PRELID2: variants seen among roughly 807,000 people sequenced by gnomAD.
The protein encoded by PRELID2 is PRELI domain-containing protein 2.
A neutral mutation model predicts 28.4 loss-of-function variants in PRELID2; 25 were observed. That is an observed-to-expected ratio of 0.88 (90% CI 0.64 to 1.23). The LOEUF (loss-of-function observed/expected upper bound fraction) is 1.23, where lower values mean the gene tolerates loss of function less well. PRELID2 is among the 50% of genes most tolerant of loss of function. The pLI, the probability that PRELID2 is intolerant of heterozygous loss-of-function variation, is 0.00. For missense variants in PRELID2, 201 were observed against 214.4 expected, an observed-to-expected ratio of 0.94 and a Z score of 0.39; for synonymous variants, 76 against 71.6, an observed-to-expected ratio of 1.06 and a Z score of -0.31.
At chr5:145,474,409 G>A (rs570953404) in intron 1 of PRELID2, among the ~76,000 whole-genome samples, 185 of 152,244 alleles carry the variant, frequency 1.2e-3, no homozygotes, top group Middle Eastern at 0.01. Context: ...CTTTTCCATG[G>A]AAATATTATT....
chr5:145,434,400 A>G, the PRELID2 span, among the ~76,000 whole-genome samples: 4 of 152,188 alleles, frequency 2.6e-5, no homozygotes, highest in African/African-American at 9.7e-5. Flanking sequence ...CAGGCTTCAA[A>G]AAACTGGATA....
At chr5:145,653,797 G>A (rs184844452) in intron 1 of PRELID2, among the ~76,000 whole-genome samples, 1 of 152,298 alleles carries the variant, frequency 6.6e-6, no homozygotes, top group African/African-American at 2.4e-5. Context: ...GAGAAAGCAG[G>A]AAAGATCTAA....
chr5:145,702,194 ATTT>A (rs1755425641), intron 1 of PRELID2, among the ~76,000 whole-genome samples: 1 of 152,150 alleles, frequency 6.6e-6, no homozygotes, highest in South Asian at 2.1e-4. Context: ...TAAAAAGGAT[ATTT>A]TCATAAGTAT....
intron 1 of PRELID2, among the ~76,000 whole-genome samples, chr5:145,568,766 T>C (rs1477097561): frequency 2.0e-5 from 3 of 152,200 alleles, no homozygotes; most frequent in Non-Finnish European, 2.9e-5. Context: ...TATGAATAAC[T>C]TGGGCAGCCA....
At chr5:145,734,350 GT>G (rs1756434692) in intron 1 of PRELID2, among the ~76,000 whole-genome samples, 1 of 152,152 alleles carries the variant, frequency 6.6e-6, no homozygotes, top group South Asian at 2.1e-4. Context: ...TTACATTTGT[GT>G]TGTTTTAAGC....
the PRELID2 span, among the ~76,000 whole-genome samples, chr5:145,368,622 G>A: frequency 4.6e-5 from 7 of 151,814 alleles, no homozygotes; most frequent in Admixed American, 4.6e-4. Flanking sequence ...TCATATAAAA[G>A]TTATTTTCTT....
chr5:145,421,440 C>T, the PRELID2 span, among the ~76,000 whole-genome samples: 1 of 150,108 alleles, frequency 6.7e-6, no homozygotes, highest in Admixed American at 6.7e-5. Context: ...AGGGATTCAA[C>T]TTCTTCCTGG....
chr5:145,511,819 C>T (rs1752463576), intron 1 of PRELID2, among the ~76,000 whole-genome samples: 1 of 152,216 alleles, frequency 6.6e-6, no homozygotes, highest in South Asian at 2.1e-4. Flanking sequence ...TGAACATCCT[C>T]TATCTGCAAG....
intron 1 of PRELID2, among the ~76,000 whole-genome samples, chr5:145,579,830 A>G (rs1328416512): frequency 6.6e-6 from 1 of 151,982 alleles, no homozygotes; most frequent in Non-Finnish European, 1.5e-5. Context: ...TTTTAGTAGC[A>G]TGTCATCTCT....
Position 145,569,510 on chromosome 5 carries a change from C to T in PRELID2, n.71-96195G>A, listed in dbSNP as rs184807502. The stretch of plus-strand genomic sequence containing the variant: ...GACTTCCTAAAAGCTACTAATATTA[C>T]CCTGCATTATGGAATCTTGATGCAG... On this transcript the variant is annotated intron_variant and non_coding_transcript_variant, in intron 1 of 2. Transcript: ENST00000510259. 3.7e-3 allele frequency among the ~76,000 whole-genome samples: 557 copies of T among 152,154 alleles called. 4 individuals carry two copies. Among genetic ancestry groups the T allele is most frequent in the African/African-American group, 0.013 (542 of 41,494 alleles).
intron 1 of PRELID2, among the ~76,000 whole-genome samples, chr5:145,702,474 C>A (rs766380561): frequency 1.3e-4 from 20 of 152,096 alleles, no homozygotes; most frequent in African/African-American, 4.3e-4. Flanking sequence ...ATCAACAATT[C>A]CCTACTTCAT....
chr5:145,462,809 T>C, the PRELID2 span, among the ~76,000 whole-genome samples: 16 of 152,344 alleles, frequency 1.1e-4, no homozygotes, highest in Admixed American at 3.3e-4. Context: ...AAGTGACTGC[T>C]GTTTCTAGTT....
At chr5:145,813,155 G>C (rs1308543894) in intron 4 of PRELID2, among the ~76,000 whole-genome samples, 2 of 152,194 alleles carry the variant, frequency 1.3e-5, no homozygotes, top group Non-Finnish European at 2.9e-5. Flanking sequence ...CAGCTTGAAA[G>C]TCTAATTTTA....
At chr5:145,304,855 T>C in the PRELID2 span, among the ~76,000 whole-genome samples, 1 of 152,120 alleles carries the variant, frequency 6.6e-6, no homozygotes, top group Non-Finnish European at 1.5e-5. Flanking sequence ...AAAATTTCAA[T>C]GCATTTAAGT....
intron 1 of PRELID2, among the ~76,000 whole-genome samples, chr5:145,526,020 C>A (rs1052966022): frequency 1.3e-5 from 2 of 152,212 alleles, no homozygotes; most frequent in Non-Finnish European, 1.5e-5. Flanking sequence ...ACAGGCCTTA[C>A]GAGTAAGTTG....
At chr5:145,722,729 T>C (rs111337988) in intron 1 of PRELID2, among the ~76,000 whole-genome samples, 3,669 of 152,052 alleles carry the variant, frequency 0.024, 138 homozygotes, top group African/African-American at 0.083. Flanking sequence ...TGATCTCCTG[T>C]TCTAAGCTGA....
intron 1 of PRELID2, among the ~76,000 whole-genome samples, chr5:145,690,771 C>T (rs1313038952): frequency 6.6e-6 from 1 of 152,166 alleles, no homozygotes; most frequent in African/African-American, 2.4e-5. Flanking sequence ...CTGTTTCTTG[C>T]ACTTGTCTCT....
At chr5:145,271,954 C>A in the PRELID2 span, among the ~76,000 whole-genome samples, 1 of 152,094 alleles carries the variant, frequency 6.6e-6, no homozygotes, top group African/African-American at 2.4e-5. Flanking sequence ...CAAATAAACT[C>A]CCTGCAGATT....
At chr5:145,713,292 G>A (rs1755744431) in intron 1 of PRELID2, among the ~76,000 whole-genome samples, 1 of 147,392 alleles carries the variant, frequency 6.8e-6, no homozygotes, top group Non-Finnish European at 1.5e-5. Context: ...AGCAGCCAAG[G>A]TGGTAAGTGA....
Sources: gnomAD v4.1 joint callset for allele counts (sites outside exome capture counted in the v4.1 genomes callset) on GRCh38, gnomAD v4.1.1 for gene constraint, MANE v1.5 for transcripts, NCBI Gene and HGNC (gene_info 2026-07-23, HGNC 2026-07-21) for gene names.